Variants in ROCK1 observed in about 807,000 individuals in gnomAD.
ROCK1 encodes Rho associated coiled-coil containing protein kinase 1, also known as rho-associated protein kinase 1.
Under a neutral mutation model 196.8 loss-of-function variants are expected in ROCK1, and 36 were observed. That is an observed-to-expected ratio of 0.18 (90% CI 0.14 to 0.24). The LOEUF is 0.24. Among genes scored for constraint, ROCK1 ranks in the 10% least tolerant of loss-of-function variants. The probability of loss-of-function intolerance (pLI) is 1.00; values close to 1 mark genes in which losing one functional copy is unlikely to be tolerated. For synonymous variants in ROCK1, 443 were observed against 515.9 expected (o/e 0.86, Z 1.91); for missense variants, 920 against 1,562.0 (o/e 0.59, Z 6.93).
At chr18:21,028,291 C>T (rs1392500649) in intron 10 of ROCK1, among the ~76,000 whole-genome samples, 1 of 151,590 alleles carries the variant, frequency 6.6e-6, no homozygotes, top group Admixed American at 6.6e-5. Flanking sequence ...TGGCAGGTAC[C>T]TGTAATCCCA....
chr18:21,020,418 C>T (rs1362411635), intron 11 of ROCK1, among the ~76,000 whole-genome samples, 179 bp from the exon 12 acceptor site: 6 of 151,928 alleles, frequency 3.9e-5, no homozygotes, highest in South Asian at 2.1e-4. Context: ...ATTTACTAAA[C>T]GTTAGGCCAT....
Position 20,982,715 on chromosome 18 carries a change from A to T in ROCK1, c.2559+48T>A, listed in dbSNP as rs373397909. ...TAAAAGAATCTAAATACCTTGTTTT[A>T]AGTCAGGTTTTGAAACAGTGTGTAT... On this transcript the variant is annotated intron_variant, in intron 21 of 32. Transcript: ENST00000399799. 44 of 848,158 alleles carry T rather than the reference A, an allele frequency of 5.2e-5. 1 individual carries two copies. The Middle Eastern group carries it at 8.9e-4, about 17-fold the overall frequency. The allele number at this position is 848,158 out of a possible 1,614,324, so 52.5% of individuals were successfully genotyped here.
intron 29 of ROCK1, among the ~76,000 whole-genome samples, chr18:20,959,368 C>T (rs1249738457): frequency 3.4e-5 from 5 of 147,744 alleles, no homozygotes; most frequent in African/African-American, 7.6e-5. Flanking sequence ...CCTGCCACCA[C>T]GCCCAGCTAA....
At chr18:20,985,830 G>C (rs2035573444) in intron 19 of ROCK1, among the ~76,000 whole-genome samples, 1 of 151,922 alleles carries the variant, frequency 6.6e-6, no homozygotes, top group Non-Finnish European at 1.5e-5. Flanking sequence ...TTTTCTAAAA[G>C]TGCTTTCACC....
chr18:21,037,962 C>T (rs2036071504), intron 9 of ROCK1, among the ~76,000 whole-genome samples: 3 of 152,004 alleles, frequency 2.0e-5, no homozygotes, highest in Admixed American at 1.3e-4. Flanking sequence ...GTTACTTTTG[C>T]GGTTGATTTA....
At chr18:21,099,505 G>A (rs1253075098) in intron 1 of ROCK1, among the ~76,000 whole-genome samples, 2 of 152,036 alleles carry the variant, frequency 1.3e-5, no homozygotes, top group Non-Finnish European at 2.9e-5. Flanking sequence ...ACACTTTGGG[G>A]GGTTGTGGTG....
At chr18:21,073,063 CAAAAAAAAAAAAAAAAAAAAAAA>C (rs541290068) in intron 1 of ROCK1, among the ~76,000 whole-genome samples, 2,609 of 32,802 alleles carry the variant, frequency 0.08, 119 homozygotes, top group African/African-American at 0.23. Context: ...ACTCCGTCTC[CAAAAAAAAAAAAAAAAAAAAAAA>C]AAAAAAAAAA....
chr18:21,083,892 G>A (rs1313955869), intron 1 of ROCK1, among the ~76,000 whole-genome samples: 1 of 152,134 alleles, frequency 6.6e-6, no homozygotes, highest in Non-Finnish European at 1.5e-5. Context: ...GAGGGTAGTG[G>A]TCAGTGCCCC....
At chr18:20,983,128 AC>A (rs2035547927) in intron 20 of ROCK1, among the ~76,000 whole-genome samples, 4 of 151,904 alleles carry the variant, frequency 2.6e-5, no homozygotes, top group East Asian at 3.9e-4. Flanking sequence ...TAAAATTGAT[AC>A]CATATTTTTG....
rs1461244775 is a variant in ROCK1, at chr18:20,969,124, CCTT to C, written c.2902_2904del (p.Lys968del). The C allele has an allele frequency of 2.5e-6, 4 of 1,579,102 alleles. No homozygotes were observed. The highest frequency in any genetic ancestry group is 3.5e-6 in the Non-Finnish European group (4 of 1,156,330). On this transcript the variant is annotated inframe_deletion, in exon 24 of 33. Coordinates refer to ENST00000399799, the MANE Select transcript of ROCK1 (RefSeq NM_005406.3). The stretch of plus-strand genomic sequence containing the variant: ...TAAAAATTCTACATACCTTCCTCTG[CCTT>C]CTTCATTTTCTCTGTTAGCTCTTCA...
In ROCK1 at chr18:20,987,183, G is replaced by A. The variant is rs1197265408; in HGVS notation, c.2144-73C>T. 3.6e-6 allele frequency: 5 copies of A among 1,370,238 alleles called. No homozygotes were observed. The East Asian group carries it at 9.3e-5, about 26-fold the overall frequency. 84.9% of individuals were successfully genotyped at this position (1,370,238 alleles called of 1,614,324 possible). ...TAACACATTTCACTTTATATGGGCT[G>A]TAAACTGGTTTCAAATGTCTCTATT... On this transcript the variant is annotated intron_variant, in intron 18 of 32. Transcript: ENST00000399799.
intron 4 of ROCK1, among the ~76,000 whole-genome samples, chr18:21,048,218 G>C (rs2036177158): frequency 6.6e-6 from 1 of 152,194 alleles, no homozygotes; most frequent in African/African-American, 2.4e-5. Flanking sequence ...TGGCAATCAA[G>C]ACGAGGACCT....
chr18:20,959,575 A>G (rs2035306763), intron 29 of ROCK1, among the ~76,000 whole-genome samples: 1 of 150,950 alleles, frequency 6.6e-6, no homozygotes, highest in South Asian at 2.1e-4. Flanking sequence ...AGCTGACTAT[A>G]CTTTTTGAAA....
chr18:20,971,172 A>G (rs2035422363), intron 22 of ROCK1, among the ~76,000 whole-genome samples: 1 of 152,060 alleles, frequency 6.6e-6, no homozygotes, highest in Non-Finnish European at 1.5e-5. Flanking sequence ...CTTAGTCACT[A>G]CTGTATTCCC....
At chr18:21,025,801 G>C (rs1033792031) in intron 10 of ROCK1, among the ~76,000 whole-genome samples, 2 of 152,122 alleles carry the variant, frequency 1.3e-5, no homozygotes, top group African/African-American at 4.8e-5. Flanking sequence ...TGCCTGTTCA[G>C]GTAGTAAGTG....
At position 21,110,983 on chromosome 18, in the gene ROCK1, G is replaced by C. The variant is rs1171022311; in HGVS notation, c.-73C>G. ...AGCAATTTCAACCAACTTCCTCCGC[G>C]GTGGGTTCGCAGCCGCGGGGCGGAG... On this transcript the variant is annotated 5_prime_UTR_variant, in exon 1 of 33. Transcript: ENST00000399799. 2.8e-5 allele frequency: 36 copies of C among 1,302,730 alleles called. No individual in the cohort carries two copies. Among genetic ancestry groups the C allele is most frequent in the Non-Finnish European group, 3.9e-5 (35 of 903,016 alleles). The allele number at this position is 1,302,730 out of a possible 1,614,324, so 80.7% of individuals were successfully genotyped here.
chr18:20,964,186 G>A (rs1162330370), intron 27 of ROCK1, among the ~76,000 whole-genome samples: 1 of 151,770 alleles, frequency 6.6e-6, no homozygotes, highest in Non-Finnish European at 1.5e-5. Context: ...TTTTAACTTG[G>A]AGTAAACTTA....
At chr18:21,001,350 G>T (rs2035722416) in intron 16 of ROCK1, among the ~76,000 whole-genome samples, 1 of 152,190 alleles carries the variant, frequency 6.6e-6, no homozygotes, top group Non-Finnish European at 1.5e-5. Context: ...CCACATAGAG[G>T]AGGTATTTGT....
intron 8 of ROCK1, 29 bp from the exon 9 acceptor site, chr18:21,039,592 T>C: frequency 6.7e-7 from 1 of 1,484,002 alleles, no homozygotes. Context: ...AGAAAAGTAA[T>C]CAATCATTTA....
Sources: gnomAD v4.1 joint callset for allele counts (sites outside exome capture counted in the v4.1 genomes callset) on GRCh38, gnomAD v4.1.1 for gene constraint, MANE v1.5 for transcripts, NCBI Gene and HGNC (gene_info 2026-07-23, HGNC 2026-07-21) for gene names.